Variants in FGFR1 observed in about 807,000 individuals in gnomAD.
FGFR1 encodes fibroblast growth factor receptor 1.
FGFR1 carries 18 observed loss-of-function variants against 93.7 expected under a neutral mutation model. The observed-to-expected ratio is 0.19, with a 90% CI of 0.13 to 0.28. The LOEUF (loss-of-function observed/expected upper bound fraction) is 0.28, where lower values mean the gene tolerates loss of function less well. FGFR1 is among the 10% of genes least tolerant of loss of function. The pLI is 1.00. For synonymous variants in FGFR1, 448 were observed against 429.3 expected, an observed-to-expected ratio of 1.04 and a Z score of -0.54; for missense variants, 731 against 1,080.4, an observed-to-expected ratio of 0.68 and a Z score of 4.53.
At chr8:38,452,146 G>A (rs1392714526) in intron 2 of FGFR1, among the ~76,000 whole-genome samples, 1 of 151,430 alleles carries the variant, frequency 6.6e-6, no homozygotes, top group African/African-American at 2.4e-5. Context: ...AGACTGAGGG[G>A]CGTTGGTACT....
At chr8:38,444,384 C>T (rs1445271650) in intron 2 of FGFR1, among the ~76,000 whole-genome samples, 3 of 138,308 alleles carry the variant, frequency 2.2e-5, no homozygotes, top group Admixed American at 7.3e-5. Flanking sequence ...AAACATGGTT[C>T]GGGTTTTTTT....
chr8:38,446,147 G>T (rs1218959145), intron 2 of FGFR1, among the ~76,000 whole-genome samples: 11 of 148,532 alleles, frequency 7.4e-5, no homozygotes, highest in Non-Finnish European at 1.6e-4. Flanking sequence ...TCACTTCCCT[G>T]TTCACATCCT....
intron 5 of FGFR1, among the ~76,000 whole-genome samples, chr8:38,427,006 C>T (rs900628375): frequency 6.6e-6 from 1 of 151,522 alleles, no homozygotes; most frequent in Non-Finnish European, 1.5e-5. Flanking sequence ...ACTCGGGAGG[C>T]TGAGGCAGGA....
At chr8:38,459,821 TAGATAAGGGTAAATC>T (rs1468623116) in intron 1 of FGFR1, among the ~76,000 whole-genome samples, 3 of 152,088 alleles carry the variant, frequency 2.0e-5, no homozygotes, top group Non-Finnish European at 4.4e-5. Context: ...CCAAACCAAG[TAGATAAGGGTAAATC>T]CAAGGTAACT....
chr8:38,447,813 C>T (rs1829830727), intron 2 of FGFR1, among the ~76,000 whole-genome samples: 1 of 152,110 alleles, frequency 6.6e-6, no homozygotes, highest in Non-Finnish European at 1.5e-5. Flanking sequence ...AAGACATTTA[C>T]TGGTATAATC....
rs974059979 is a variant in FGFR1, at chr8:38,429,225, G to T, written c.358+457C>A. Reference sequence around the variant, plus strand: ...GCTCCAGGGCTCCCTGGCTGCCCTCGCACAGCTCCCTTGCGGTGCACCTGG... The same window carrying T: ...GCTCCAGGGCTCCCTGGCTGCCCTCTCACAGCTCCCTTGCGGTGCACCTGG... On this transcript the variant is annotated intron_variant, in intron 3 of 17. Transcript: ENST00000447712. The surrounding 1 kb of genome is among the most constrained non-coding windows in gnomAD (Gnocchi z 4.4). The T allele has an allele frequency of 2.2e-6, 1 of 461,926 alleles. No homozygotes were observed. The highest frequency in any genetic ancestry group is 6.8e-5 in the East Asian group (1 of 14,750). The allele number at this position is 461,926 out of a possible 1,614,324, so 28.6% of individuals were successfully genotyped here.
Position 38,419,732 on chromosome 8 carries a change from A to C in FGFR1, c.1085T>G (p.Leu362Arg). 6.2e-7 allele frequency: 1 copy of C among 1,614,062 alleles called. No individual in the cohort carries two copies. Among genetic ancestry groups the C allele is most frequent in the Non-Finnish European group, 8.5e-7 (1 of 1,179,986 alleles). ...HSAWLTVLEA[L>R]EERPAVMTSP... ...GGTCATCACTGCCGGCCTCTCTTCCAGGGCTGAGTCAGTGCGAACAGGGTG... is the reference window on the plus strand; with the variant it reads ...GGTCATCACTGCCGGCCTCTCTTCCCGGGCTGAGTCAGTGCGAACAGGGTG... Residue 362 changes from leucine (L) to arginine (R), a missense_variant, in exon 9 of 18, where the codon CTG (leucine) becomes CGG (arginine). By Grantham distance (102) the Leu-to-Arg change is moderately radical. Coordinates refer to ENST00000447712, the MANE Select transcript of FGFR1 (RefSeq NM_023110.3).
intron 7 of FGFR1, among the ~76,000 whole-genome samples, chr8:38,422,547 GCACACGC>G (rs1819209154): frequency 6.6e-6 from 1 of 151,786 alleles, no homozygotes; most frequent in Non-Finnish European, 1.5e-5. Context: ...GGGACTACAG[GCACACGC>G]CACCATACTT....
At chr8:38,467,063 G>A (rs1835724727) in intron 1 of FGFR1, among the ~76,000 whole-genome samples, 1 of 151,934 alleles carries the variant, frequency 6.6e-6, no homozygotes, top group African/African-American at 2.4e-5. Flanking sequence ...GGTGCAGAGG[G>A]GTCTGGGCCA....
rs557394972 is a variant in FGFR1, at chr8:38,425,096, G to A, written c.746-397C>T. On this transcript the variant is annotated intron_variant, in intron 6 of 17. Transcript: ENST00000447712. ...TCCCCTAGGAGCTTGTTAGAAACGCGGAATCTCAGATCTTACCCCAACCTC... is the reference window on the plus strand; with the variant it reads ...TCCCCTAGGAGCTTGTTAGAAACGCAGAATCTCAGATCTTACCCCAACCTC... Among the ~76,000 whole-genome samples, 9 of 152,010 alleles carry A rather than the reference G, an allele frequency of 5.9e-5. No individual in the cohort carries two copies. The South Asian group carries it at 1.7e-3, about 28-fold the overall frequency.
Position 38,415,088 on chromosome 8 carries a change from C to T in FGFR1, c.1855-187G>A, listed in dbSNP as rs1050495737. 9.9e-5 allele frequency among the ~76,000 whole-genome samples: 15 copies of T among 152,162 alleles called. No homozygotes were observed. The East Asian group carries it at 1.7e-3, about 18-fold the overall frequency. On this transcript the variant is annotated intron_variant, in intron 13 of 17. Transcript: ENST00000447712. Reference sequence around the variant, plus strand: ...GCTCCAGGCTTCTCATCACAGCAAGCGCTCCTCCCTTCCTTCCCCAAAGAC... The same window carrying T: ...GCTCCAGGCTTCTCATCACAGCAAGTGCTCCTCCCTTCCTTCCCCAAAGAC...
chr8:38,439,187 GA>G (rs1826487137), intron 2 of FGFR1, among the ~76,000 whole-genome samples: 1 of 152,174 alleles, frequency 6.6e-6, no homozygotes, highest in Non-Finnish European at 1.5e-5. Context: ...ACAAGCTCTA[GA>G]GGCTGCATCT....
At chr8:38,464,131 A>G (rs1835002336) in intron 1 of FGFR1, among the ~76,000 whole-genome samples, 1 of 152,094 alleles carries the variant, frequency 6.6e-6, no homozygotes, top group Non-Finnish European at 1.5e-5. Flanking sequence ...CCTGGCCAAC[A>G]TGGTGAAACA....
At chr8:38,430,093 C>T (rs559247313) in intron 2 of FGFR1, 145 bp from the exon 3 acceptor site, 5 of 806,272 alleles carry the variant, frequency 6.2e-6, no homozygotes, top group Non-Finnish European at 9.6e-6. Flanking sequence ...GCTACTGAGC[C>T]AGGGCAGTGG....
Position 38,429,470 on chromosome 8 carries a change from A to G in FGFR1, c.358+212T>C, listed in dbSNP as rs1452782809. 1.4e-6 allele frequency: 1 copy of G among 705,620 alleles called. No homozygotes were observed. Among genetic ancestry groups the G allele is most frequent in the Admixed American group, 2.0e-5 (1 of 49,526 alleles). 43.7% of individuals were successfully genotyped at this position (705,620 alleles called of 1,614,324 possible). ...CTCCGAGGTGTGTCCTGGAAGCCCC[A>G]GATCTCCGGCCCTGGGGCCCACCCC... On this transcript the variant is annotated intron_variant, in intron 3 of 17. Transcript: ENST00000447712. This position sits in a 1 kb window ranked among gnomAD's most constrained non-coding sequence, Gnocchi z 4.4.
intron 9 of FGFR1, 140 bp downstream of exon 9, chr8:38,419,393 T>G: frequency 2.5e-6 from 2 of 784,698 alleles, no homozygotes; most frequent in Non-Finnish European, 4.4e-6. Flanking sequence ...GAGCACTTAG[T>G]TCATGATATT....
chr8:38,416,041 C>T lies in FGFR1; in HGVS notation c.1683G>A (p.Val561=). ...CTQDGPLYVI[V]EYASKGNLRE... The stretch of plus-strand genomic sequence containing the variant: ...GCAGGTTGCCCTTGGAGGCATACTC[C>T]ACGATGACATACAAGGGACCTGCAG... Residue 561 remains valine (V), a synonymous_variant, in exon 13 of 18, where the codon GTG becomes GTA. Transcript: ENST00000447712. The T allele has an allele frequency of 6.2e-7, 1 of 1,612,938 alleles. No homozygotes were observed. Among genetic ancestry groups the T allele is most frequent in the Non-Finnish European group, 8.5e-7 (1 of 1,179,824 alleles).
chr8:38,438,410 A>G (rs9657190), intron 2 of FGFR1, among the ~76,000 whole-genome samples: 31,515 of 151,680 alleles, frequency 0.21, 3,658 homozygotes, highest in East Asian at 0.35. Context: ...AGGCGTGGTG[A>G]TGCACGCCTG....
At position 38,431,237 on chromosome 8, in the gene FGFR1, C is replaced by A. The variant is rs1822991342; in HGVS notation, c.92-1289G>T. Among the ~76,000 whole-genome samples the A allele has an allele frequency of 1.3e-5, 2 of 152,160 alleles. 1 individual carries two copies. Among genetic ancestry groups the A allele is most frequent in the South Asian group, 4.1e-4 (2 of 4,822 alleles). The stretch of plus-strand genomic sequence containing the variant: ...CTGATTTTTTTCTGTCCAGCTCTCA[C>A]TACTCACTCTTCTGTCTCAGCCTAG... On this transcript the variant is annotated intron_variant, in intron 2 of 17. Transcript: ENST00000447712.
Sources: gnomAD v4.1 joint callset for allele counts (sites outside exome capture counted in the v4.1 genomes callset) on GRCh38, gnomAD v4.1.1 for gene constraint, Gnocchi (gnomAD v3.1) non-coding constraint, MANE v1.5 for transcripts, NCBI Gene and HGNC (gene_info 2026-07-23, HGNC 2026-07-21) for gene names.